Variants in GPR155 observed in about 807,000 individuals in gnomAD.
GPR155 encodes the protein G protein-coupled receptor 155, also known as lysosomal cholesterol signaling protein.
Under a neutral mutation model 93.1 loss-of-function variants are expected in GPR155, and 65 were observed. That is an observed-to-expected ratio of 0.70 (90% CI 0.57 to 0.86). The LOEUF is 0.86. Ranked by LOEUF, GPR155 falls within the 40% of genes least tolerant of loss-of-function variation. GPR155 has a pLI of 0.00. For synonymous variants in GPR155, 319 were observed against 360.1 expected (o/e 0.89, Z 1.29); for missense variants, 838 against 1,034.8 (o/e 0.81, Z 2.61).
chr2:174,479,298 T>C (rs1338646570), intron 2 of GPR155, among the ~76,000 whole-genome samples: 1 of 152,200 alleles, frequency 6.6e-6, no homozygotes, highest in African/African-American at 2.4e-5. Context: ...ACTCATTTTA[T>C]GGAATATTTT....
At chr2:174,486,320 C>T (rs1688478546) in intron 1 of GPR155, among the ~76,000 whole-genome samples, 1 of 152,008 alleles carries the variant, frequency 6.6e-6, no homozygotes, top group Non-Finnish European at 1.5e-5. Context: ...ATAGGCTGCT[C>T]GGAGAGCAGC....
chr2:174,465,165 G>T (rs1254015658), intron 7 of GPR155, among the ~76,000 whole-genome samples: 1 of 151,872 alleles, frequency 6.6e-6, no homozygotes, highest in African/African-American at 2.4e-5. Flanking sequence ...TTTCTCACTG[G>T]GTCCTTTTCT....
chr2:174,452,901 C>T (rs1190188065), intron 11 of GPR155, among the ~76,000 whole-genome samples: 3 of 152,174 alleles, frequency 2.0e-5, no homozygotes, highest in South Asian at 2.1e-4. Flanking sequence ...CCACCCGCCT[C>T]GGCCTCCCAA....
rs932484347 is a variant in GPR155 at position 174,445,500 on chromosome 2, A to T, written c.2014-324T>A. 3 of 178,128 alleles carry T rather than the reference A, an allele frequency of 1.7e-5. No homozygotes were observed. In the Admixed American group the frequency reaches 1.8e-4, roughly 11 times the overall value. The allele number at this position is 178,128 out of a possible 1,614,324, so 11.0% of individuals were successfully genotyped here. On this transcript the variant is annotated intron_variant, in intron 12 of 15. Transcript: ENST00000392552. ...ATTTTAAATTTAGTTCTACACAATG[A>T]AAACAATTACATCACTAAGCAATTC...
intron 13 of GPR155, among the ~76,000 whole-genome samples, chr2:174,444,698 G>C (rs1217325306): frequency 6.6e-6 from 1 of 151,876 alleles, no homozygotes; most frequent in Non-Finnish European, 1.5e-5. Flanking sequence ...GTTTCACCAT[G>C]TTGGCTAGGC....
rs1429280398 is a variant in GPR155, at chr2:174,435,007, C to A, written c.*1109G>T. 2 of 151,952 alleles carry A rather than the reference C, an allele frequency of 1.3e-5. No homozygotes were observed. Among genetic ancestry groups the A allele is most frequent in the Non-Finnish European group, 2.9e-5 (2 of 67,980 alleles). The allele number at this position is 151,952 out of a possible 1,614,324, so 9.4% of individuals were successfully genotyped here. On this transcript the variant is annotated 3_prime_UTR_variant, in exon 16 of 16. Transcript: ENST00000392552. ...ACCTCTTATTAGAATCATTAAAATT[C>A]TTTTTCAAGAGATGCTATCAAAAAA...
intron 1 of GPR155, chr2:174,482,977 A>G (rs1217937688): frequency 6.6e-6 from 1 of 152,174 alleles, no homozygotes; most frequent in Non-Finnish European, 1.5e-5. Context: ...AACATGAGAG[A>G]GAGAAAAAAA....
intron 7 of GPR155, among the ~76,000 whole-genome samples, chr2:174,463,181 G>GTC (rs1687750182): frequency 1.4e-5 from 2 of 148,024 alleles, no homozygotes; most frequent in South Asian, 4.2e-4. Flanking sequence ...CCAACATGCA[G>GTC]TCTCATGATT....
rs1212776454 is a variant in GPR155, at chr2:174,465,836, A to G, written c.1333T>C (p.Leu445=). Residue 445 remains leucine, a synonymous_variant, in exon 7 of 16, where the codon TTG becomes CTG. Coordinates refer to ENST00000392552, the MANE Select transcript of GPR155 (RefSeq NM_152529.7). ...VKEKNFVGQI[L]VFVLLYSSLY... ...GAGCTGTACAATAGAACAAACACCA[A>G]AATTTGTCCAACAAAATTTTTTTCT... is the stretch of plus-strand genomic sequence containing the variant. The G allele has an allele frequency of 6.2e-7, 1 of 1,609,158 alleles. No homozygotes were observed. Among genetic ancestry groups the G allele is most frequent in the Admixed American group, 1.7e-5 (1 of 59,906 alleles).
chr2:174,459,835 A>T, intron 10 of GPR155, 43 bp downstream of exon 10: 1 of 1,438,128 alleles, frequency 7.0e-7, no homozygotes, highest in Non-Finnish European at 9.7e-7. Context: ...ATAGAGCAAG[A>T]TTCTGTCTCA....
At chr2:174,472,399 C>G (rs1485897603) in intron 3 of GPR155, among the ~76,000 whole-genome samples, 1 of 152,102 alleles carries the variant, frequency 6.6e-6, no homozygotes, top group South Asian at 2.1e-4. Flanking sequence ...GAGCAAGACT[C>G]TGTTTCAAAC....
intron 11 of GPR155, among the ~76,000 whole-genome samples, chr2:174,452,454 C>G (rs1687347806): frequency 6.6e-6 from 1 of 152,044 alleles, no homozygotes; most frequent in Non-Finnish European, 1.5e-5. Context: ...AAACATAATG[C>G]CTTTAGCAAT....
intron 13 of GPR155, among the ~76,000 whole-genome samples, chr2:174,444,421 A>C (rs919939792): frequency 5.9e-5 from 9 of 151,912 alleles, no homozygotes; most frequent in African/African-American, 1.9e-4. Flanking sequence ...GTCTCAAAAA[A>C]AAAAAAAAAA....
At chr2:174,470,256 TG>T in intron 4 of GPR155, 133 bp downstream of exon 4, 3 of 703,846 alleles carry the variant, frequency 4.3e-6, no homozygotes, top group African/African-American at 1.8e-5. Context: ...GAAACCAGCC[TG>T]GGGCAACATA....
intron 10 of GPR155, among the ~76,000 whole-genome samples, chr2:174,459,314 T>TAA (rs1687611883): frequency 1.3e-5 from 2 of 152,184 alleles, no homozygotes; most frequent in African/African-American, 4.8e-5. Flanking sequence ...GTTAGGGCCT[T>TAA]CCTTCAGTTG....
At position 174,461,432 on chromosome 2, in the gene GPR155, A is replaced by G; in HGVS notation, c.1530T>C (p.Ile510=). ...LITGKHNGDS[I]DSAFFYGKEQ... ...CTTTTCCATAAAAGAAGGCTGAGTC[A>G]ATGCTATCTCCATTGTGTTTTCCAG... Residue 510 remains isoleucine (I), a synonymous_variant, in exon 9 of 16, where the codon ATT becomes ATC. Transcript: ENST00000392552. 6.2e-7 allele frequency: 1 copy of G among 1,613,350 alleles called. No homozygotes were observed. Among genetic ancestry groups the G allele is most frequent in the Non-Finnish European group, 8.5e-7 (1 of 1,179,354 alleles).
chr2:174,475,294 CAAAAAAAAAAAAAAAAA>C (rs71024809), intron 2 of GPR155, among the ~76,000 whole-genome samples: 6 of 64,332 alleles, frequency 9.3e-5, no homozygotes, highest in Admixed American at 2.3e-4. Flanking sequence ...GACTCCGTCT[CAAAAAAAAAAAAAAAAA>C]AAAAAAAAAA....
At chr2:174,462,306 C>A (rs1687720837) in intron 7 of GPR155, among the ~76,000 whole-genome samples, 1 of 151,608 alleles carries the variant, frequency 6.6e-6, no homozygotes, top group African/African-American at 2.4e-5. Context: ...CTAAGTATAA[C>A]TGAAAAACAT....
At chr2:174,483,233 C>CT (rs1353597614) in intron 1 of GPR155, 1 of 151,688 alleles carries the variant, frequency 6.6e-6, no homozygotes, top group African/African-American at 2.4e-5. Context: ...ACCTTTTACC[C>CT]TTTCATGGAT....
Sources: allele counts gnomAD v4.1 joint callset (sites outside exome capture counted in the v4.1 genomes callset), GRCh38; gene constraint gnomAD v4.1.1; transcripts MANE v1.5; gene names NCBI Gene and HGNC (gene_info 2026-07-23, HGNC 2026-07-21).